Variants in CTNND2 observed in about 807,000 individuals in gnomAD.
The protein encoded by CTNND2 is catenin delta-2.
A neutral mutation model predicts 144.4 loss-of-function variants in CTNND2; 22 were observed. The ratio of observed to expected loss-of-function variants is 0.15; its 90% confidence interval spans 0.11 to 0.22. The LOEUF (loss-of-function observed/expected upper bound fraction) is 0.22. Among genes scored for constraint, CTNND2 ranks in the 10% least tolerant of loss-of-function variants. The probability of loss-of-function intolerance (pLI) is 1.00; values close to 1 mark genes in which losing one functional copy is unlikely to be tolerated. For synonymous variants in CTNND2, 751 were observed against 695.6 expected, an observed-to-expected ratio of 1.08 and a Z score of -1.25; for missense variants, 1,353 against 1,618.8, an observed-to-expected ratio of 0.84 and a Z score of 2.82.
At chr5:11,741,850 T>C (rs1788036254) in intron 1 of CTNND2, among the ~76,000 whole-genome samples, 1 of 149,264 alleles carries the variant, frequency 6.7e-6, no homozygotes, top group South Asian at 2.1e-4. Context: ...TATATATATA[T>C]AATGGAATAC....
At chr5:11,407,224 TG>T (rs1230009019) in intron 5 of CTNND2, among the ~76,000 whole-genome samples, 3 of 152,212 alleles carry the variant, frequency 2.0e-5, no homozygotes, top group Non-Finnish European at 4.4e-5. Flanking sequence ...TTTATTGTTT[TG>T]TTTTGTTCCA....
chr5:11,439,767 TC>T (rs1346521189), intron 3 of CTNND2, among the ~76,000 whole-genome samples: 2 of 151,452 alleles, frequency 1.3e-5, no homozygotes, highest in African/African-American at 2.4e-5. Context: ...TATCTATCTA[TC>T]TATCTATCTA....
At chr5:11,175,036 A>G (rs991303437) in intron 11 of CTNND2, among the ~76,000 whole-genome samples, 13 of 152,186 alleles carry the variant, frequency 8.5e-5, no homozygotes, top group African/African-American at 3.1e-4. Context: ...TTGTTTCCTG[A>G]GAATGGAAGG....
At chr5:11,069,137 T>C (rs1215337568) in intron 16 of CTNND2, among the ~76,000 whole-genome samples, 3 of 152,068 alleles carry the variant, frequency 2.0e-5, no homozygotes, top group Non-Finnish European at 4.4e-5. Context: ...AAAGTAAAAA[T>C]AGAGAAAGGT....
At chr5:11,866,542 G>A (rs1267114198) in intron 1 of CTNND2, among the ~76,000 whole-genome samples, 2 of 152,182 alleles carry the variant, frequency 1.3e-5, no homozygotes, top group African/African-American at 4.8e-5. Context: ...TGACAGCTCT[G>A]ACACAGGAAA....
At chr5:11,128,789 T>TTAG (rs1754985905) in intron 12 of CTNND2, among the ~76,000 whole-genome samples, 2 of 35,396 alleles carry the variant, frequency 5.7e-5, no homozygotes, top group Non-Finnish European at 9.8e-5. Flanking sequence ...AATATATAAA[T>TTAG]ATATATTATA....
intron 11 of CTNND2, among the ~76,000 whole-genome samples, chr5:11,196,947 C>T (rs764200199): frequency 1.4e-4 from 22 of 152,206 alleles, no homozygotes; most frequent in Non-Finnish European, 2.6e-4. Context: ...CTTTGGCTTG[C>T]TTTACATCAT....
chr5:11,325,698 C>A (rs900042007), intron 9 of CTNND2, among the ~76,000 whole-genome samples: 2 of 152,026 alleles, frequency 1.3e-5, no homozygotes, highest in Admixed American at 1.3e-4. Context: ...CTCATTATAC[C>A]CCCTCCCTAG....
intron 3 of CTNND2, among the ~76,000 whole-genome samples, chr5:11,524,247 C>T (rs1339877005): frequency 1.3e-5 from 2 of 152,172 alleles, no homozygotes; most frequent in South Asian, 2.1e-4. Context: ...CTCAAGACAG[C>T]GTGTGCCCTT....
intron 12 of CTNND2, among the ~76,000 whole-genome samples, chr5:11,137,816 T>C (rs530633432): frequency 2.6e-5 from 4 of 152,354 alleles, no homozygotes; most frequent in African/African-American, 9.6e-5. Context: ...CATCTGGATA[T>C]GAAATTAGAG....
intron 1 of CTNND2, among the ~76,000 whole-genome samples, chr5:11,898,995 G>A (rs1411624443): frequency 2.6e-5 from 4 of 152,154 alleles, no homozygotes; most frequent in African/African-American, 9.7e-5. Flanking sequence ...TTCCAACCTG[G>A]AAGAGCTGGG....
chr5:11,223,463 C>A (rs949538362), intron 10 of CTNND2, among the ~76,000 whole-genome samples: 1 of 152,188 alleles, frequency 6.6e-6, no homozygotes, highest in Non-Finnish European at 1.5e-5. Context: ...CATCCTTAGG[C>A]CCCATCTTCC....
chr5:11,648,976 T>C (rs1782503743), intron 2 of CTNND2, among the ~76,000 whole-genome samples: 1 of 152,238 alleles, frequency 6.6e-6, no homozygotes, highest in Non-Finnish European at 1.5e-5. Context: ...TTTTTGCGTC[T>C]AAGAGAATAT....
At chr5:11,277,246 A>G (rs1185200113) in intron 9 of CTNND2, among the ~76,000 whole-genome samples, 2 of 152,110 alleles carry the variant, frequency 1.3e-5, no homozygotes, top group Non-Finnish European at 2.9e-5. Context: ...AATATTATCT[A>G]AGAAAATGTA....
chr5:11,278,301 T>C (rs572928594), intron 9 of CTNND2, among the ~76,000 whole-genome samples: 1 of 152,348 alleles, frequency 6.6e-6, no homozygotes, highest in East Asian at 1.9e-4. Flanking sequence ...GCTTCCTCAC[T>C]GGGCTTCTTT....
intron 1 of CTNND2, among the ~76,000 whole-genome samples, chr5:11,810,197 T>G (rs1792248785): frequency 6.6e-6 from 1 of 152,118 alleles, no homozygotes; most frequent in Non-Finnish European, 1.5e-5. Flanking sequence ...CTATAGTAGT[T>G]TTCAATGGTA....
rs956109503 is a variant in CTNND2 at position 11,636,243 on chromosome 5, A to G, written c.175-71187T>C. ...TCTCAGTTGGCTATAGGATATAGCT[A>G]TAACTATTGCCAATCTCAAACCTCT... is the stretch of plus-strand genomic sequence containing the variant. On this transcript the variant is annotated intron_variant, in intron 2 of 21. Transcript: ENST00000304623. Among the ~76,000 whole-genome samples the G allele has an allele frequency of 5.7e-4, 86 of 152,174 alleles. 1 individual carries two copies. The highest frequency in any genetic ancestry group is 5.6e-3 in the Admixed American group (86 of 15,268).
At chr5:11,836,690 G>A (rs1794200346) in intron 1 of CTNND2, among the ~76,000 whole-genome samples, 1 of 151,956 alleles carries the variant, frequency 6.6e-6, no homozygotes, top group Admixed American at 6.5e-5. Context: ...ACTCTACTTT[G>A]CTAAAAATTC....
At chr5:11,366,088 T>A (rs947484780) in intron 7 of CTNND2, among the ~76,000 whole-genome samples, 5 of 152,204 alleles carry the variant, frequency 3.3e-5, no homozygotes, top group Non-Finnish European at 7.3e-5. Flanking sequence ...ATCTTGGCCA[T>A]GTCGGGACAG....
Sources: allele counts gnomAD v4.1 joint callset (sites outside exome capture counted in the v4.1 genomes callset), GRCh38; gene constraint gnomAD v4.1.1; transcripts MANE v1.5; gene names NCBI Gene and HGNC (gene_info 2026-07-23, HGNC 2026-07-21).